Variants in PTPRQ observed in about 807,000 individuals in gnomAD.
PTPRQ encodes phosphatidylinositol phosphatase PTPRQ.
PTPRQ carries 199 observed loss-of-function variants against 246.0 expected under a neutral mutation model. The observed-to-expected ratio is 0.81, with a 90% CI of 0.72 to 0.91. PTPRQ has a LOEUF of 0.91. Ranked by LOEUF, PTPRQ falls within the 40% of genes least tolerant of loss-of-function variation. PTPRQ has a pLI of 0.00. For synonymous variants in PTPRQ, 869 were observed against 853.2 expected (o/e 1.02, Z -0.32); for missense variants, 2,624 against 2,528.4 (o/e 1.04, Z -0.81).
At chr12:80,551,702 T>C (rs969420166) in intron 25 of PTPRQ, among the ~76,000 whole-genome samples, 1 of 152,152 alleles carries the variant, frequency 6.6e-6, no homozygotes, top group African/African-American at 2.4e-5. Context: ...AATCCATCGC[T>C]AATTAGAATT....
chr12:80,587,338 C>T (rs182241132), intron 25 of PTPRQ, among the ~76,000 whole-genome samples: 6 of 152,182 alleles, frequency 3.9e-5, no homozygotes, highest in African/African-American at 7.2e-5. Flanking sequence ...TAACAAAGGC[C>T]GTTGAAGATA....
chr12:80,630,763 C>T (rs1899399247), intron 33 of PTPRQ, among the ~76,000 whole-genome samples: 1 of 152,148 alleles, frequency 6.6e-6, no homozygotes, highest in African/African-American at 2.4e-5. Context: ...GTTACCCAGG[C>T]TGGAGTGCAG....
At chr12:80,642,940 A>ACAAAC (rs1899936851) in intron 35 of PTPRQ, among the ~76,000 whole-genome samples, 1 of 138,316 alleles carries the variant, frequency 7.2e-6, no homozygotes, top group Non-Finnish European at 1.5e-5. Context: ...AAAAAAAAAA[A>ACAAAC]AAAAAACAAT....
chr12:80,496,404 A>G lies in PTPRQ; in HGVS notation c.2145A>G (p.Ser715=), dbSNP rs531885101. The G allele has an allele frequency of 1.1e-4, 164 of 1,550,812 alleles. No homozygotes were observed. The highest frequency in any genetic ancestry group is 8.6e-4 in the Admixed American group (44 of 50,960). ...ATACTTTATATATGAAGAACACATC[A>G]ACAACAGACATAATATTAAGGAACT... The part of the protein sequence containing the change: ...NIDTLYMKNT[S]TTDIILRNLR... Residue 715 remains serine, a synonymous_variant, in exon 14 of 45, where the codon TCA becomes TCG. Transcript: ENST00000644991.
Position 80,580,154 on chromosome 12 carries a change from T to C in PTPRQ, c.4286-7975T>C, listed in dbSNP as rs145656331. ...ACATGTATTCATCTTCTAAGTAGAA[T>C]TTACTGGTCAGTAAAAACTCTCATG... On this transcript the variant is annotated intron_variant, in intron 25 of 44. Coordinates refer to ENST00000644991, the MANE Select transcript of PTPRQ (RefSeq NM_001145026.2). 1.3e-3 allele frequency among the ~76,000 whole-genome samples: 196 copies of C among 152,304 alleles called. 2 individuals are homozygous for C. The highest frequency in any genetic ancestry group is 4.6e-3 in the African/African-American group (191 of 41,566).
intron 17 of PTPRQ, among the ~76,000 whole-genome samples, chr12:80,514,402 A>ACACTCTCT (rs552667526): frequency 0.11 from 11,877 of 112,986 alleles, 656 homozygotes; most frequent in Middle Eastern, 0.13. Context: ...ACACACACAC[A>ACACTCTCT]CTCTCTCTCT....
rs548416370 is a variant in PTPRQ at position 80,452,126 on chromosome 12, C to G, written c.391-5449C>G. 7.2e-5 allele frequency among the ~76,000 whole-genome samples: 7 copies of G among 97,072 alleles called. 1 individual carries two copies. Among genetic ancestry groups the G allele is most frequent in the African/African-American group, 1.7e-4 (4 of 23,008 alleles). 63.7% of individuals were successfully genotyped at this position (97,072 alleles called of 152,430 possible). On this transcript the variant is annotated intron_variant, in intron 3 of 44. Transcript: ENST00000644991. ...CCCTTTACCATTATGTAATGGCCTT[C>G]TTTGTCTCTTTTGATCTTTGTTGGT...
chr12:80,492,279 A>G (rs2120641385), intron 9 of PTPRQ, among the ~76,000 whole-genome samples: 1 of 152,086 alleles, frequency 6.6e-6, no homozygotes, highest in African/African-American at 2.4e-5. Flanking sequence ...ATTTCCACCC[A>G]TAAAATAATG....
At chr12:80,629,518 C>A (rs1158586954) in intron 33 of PTPRQ, among the ~76,000 whole-genome samples, 1 of 152,044 alleles carries the variant, frequency 6.6e-6, no homozygotes, top group East Asian at 1.9e-4. Flanking sequence ...TTGTGTTATT[C>A]ATCAATAAGG....
intron 35 of PTPRQ, among the ~76,000 whole-genome samples, chr12:80,640,049 TGTGTGTGTG>T (rs1899799736): frequency 6.6e-6 from 1 of 151,878 alleles, no homozygotes; most frequent in African/African-American, 2.4e-5. Flanking sequence ...TGTGTGTGTG[TGTGTGTGTG>T]TGTGTGTTTA....
At chr12:80,481,359 T>C (rs897123622) in intron 8 of PTPRQ, among the ~76,000 whole-genome samples, 12 of 152,300 alleles carry the variant, frequency 7.9e-5, no homozygotes, top group African/African-American at 1.9e-4. Flanking sequence ...AAATTAGGTA[T>C]TGATGGGACG....
At chr12:80,630,249 C>T (rs565852601) in intron 33 of PTPRQ, among the ~76,000 whole-genome samples, 5 of 151,940 alleles carry the variant, frequency 3.3e-5, no homozygotes, top group Non-Finnish European at 5.9e-5. Flanking sequence ...TTCCTTCCCC[C>T]CTATGTCATA....
rs1319869991 is a variant in PTPRQ, at chr12:80,673,225, T to A, written c.6659T>A (p.Ile2220Lys). 4 of 1,550,972 alleles carry A rather than the reference T, an allele frequency of 2.6e-6. No homozygotes were observed. Among genetic ancestry groups the A allele is most frequent in the Non-Finnish European group, 3.5e-6 (4 of 1,146,484 alleles). ...FIALDHLTQH[I>K]NDHDFVDIYG... ...GCTCTGGACCATTTAACACAACATA[T>A]AAATGACCATGATTTTGTGGATATA... Residue 2220 changes from isoleucine to lysine, a missense_variant, in exon 43 of 45, where the codon ATA (isoleucine) becomes AAA (lysine). Transcript: ENST00000644991.
At chr12:80,523,331 T>C (rs1017932739) in intron 17 of PTPRQ, among the ~76,000 whole-genome samples, 13 of 152,116 alleles carry the variant, frequency 8.5e-5, no homozygotes, top group African/African-American at 3.1e-4. Context: ...GATTCATTGA[T>C]TTTTTTGAAG....
intron 17 of PTPRQ, among the ~76,000 whole-genome samples, chr12:80,521,411 T>A (rs182903521): frequency 2.6e-5 from 4 of 152,054 alleles, no homozygotes; most frequent in Non-Finnish European, 5.9e-5. Flanking sequence ...CATTGCTTTT[T>A]GTGTTTTAGA....
At chr12:80,531,347 T>G (rs1015223618) in intron 17 of PTPRQ, among the ~76,000 whole-genome samples, 15 of 152,184 alleles carry the variant, frequency 9.9e-5, no homozygotes, top group Non-Finnish European at 2.2e-4. Flanking sequence ...CACATAATAA[T>G]TATAATATTT....
Position 80,620,028 on chromosome 12 carries a change from A to C in PTPRQ, c.5390-126A>C, listed in dbSNP as rs1898918136. ...CCTGCCTATACAGGTGGATCACTTG[A>C]ATTATCTCTGGTGACTGATGTTGCA... On this transcript the variant is annotated intron_variant, in intron 31 of 44. Coordinates refer to ENST00000644991, the MANE Select transcript of PTPRQ (RefSeq NM_001145026.2). 8.9e-6 allele frequency: 11 copies of C among 1,233,908 alleles called. No homozygotes were observed. In the South Asian group the frequency reaches 1.9e-4, roughly 21 times the overall value. The allele number at this position is 1,233,908 out of a possible 1,614,324, so 76.4% of individuals were successfully genotyped here.
At chr12:80,473,436 C>A (rs1893715699) in intron 8 of PTPRQ, among the ~76,000 whole-genome samples, 1 of 152,202 alleles carries the variant, frequency 6.6e-6, no homozygotes, top group African/African-American at 2.4e-5. Context: ...TTTATGGACA[C>A]TATCAAATAA....
chr12:80,578,338 A>T (rs528428329), intron 25 of PTPRQ, among the ~76,000 whole-genome samples: 10 of 147,850 alleles, frequency 6.8e-5, no homozygotes, highest in South Asian at 4.2e-4. Flanking sequence ...TTTAAAATAA[A>T]TTTTTTTTCC....
Sources: allele counts gnomAD v4.1 joint callset (sites outside exome capture counted in the v4.1 genomes callset), GRCh38; gene constraint gnomAD v4.1.1; transcripts MANE v1.5; gene names NCBI Gene and HGNC (gene_info 2026-07-23, HGNC 2026-07-21).